The following WWP2 variants were observed in gnomAD, a reference collection of about 807,000 sequenced individuals.
The protein encoded by WWP2 is WW domain containing E3 ubiquitin protein ligase 2, also known as NEDD4-like E3 ubiquitin-protein ligase WWP2.
WWP2 carries 57 observed loss-of-function variants against 121.0 expected under a neutral mutation model. That is an observed-to-expected ratio of 0.47 (90% CI 0.38 to 0.59). The LOEUF (loss-of-function observed/expected upper bound fraction) is 0.59, where lower values mean the gene tolerates loss of function less well. Among genes scored for constraint, WWP2 ranks in the 20% least tolerant of loss-of-function variants. The pLI is 0.00. For missense variants in WWP2, 962 were observed against 1,158.9 expected (o/e 0.83, Z 2.47); for synonymous variants, 449 against 441.3 (o/e 1.02, Z -0.22).
chr16:69,917,577 T>C (rs1411364868), intron 9 of WWP2, 132 bp from the exon 10 acceptor site: 2 of 1,004,304 alleles, frequency 2.0e-6, no homozygotes, highest in East Asian at 2.6e-5. Context: ...AGATGTCTGC[T>C]ATAATCAGCT....
chr16:69,887,632 C>G (rs1263379123), intron 7 of WWP2, among the ~76,000 whole-genome samples: 2 of 152,148 alleles, frequency 1.3e-5, no homozygotes, highest in Admixed American at 6.5e-5. Flanking sequence ...TCTCGAACTC[C>G]TGACCTCAAG....
chr16:69,885,982 G>C (rs1393659267), intron 7 of WWP2, among the ~76,000 whole-genome samples: 1 of 152,176 alleles, frequency 6.6e-6, no homozygotes, highest in African/African-American at 2.4e-5. Context: ...ATCTCGAAGA[G>C]GGCAGCCAGA....
intron 6 of WWP2, among the ~76,000 whole-genome samples, chr16:69,859,050 C>T (rs575586732): frequency 6.6e-6 from 1 of 152,320 alleles, no homozygotes; most frequent in African/African-American, 2.4e-5. Flanking sequence ...ATTGAATTGT[C>T]ATTTATTTGC....
intron 6 of WWP2, among the ~76,000 whole-genome samples, chr16:69,865,518 G>A (rs1228415596): frequency 6.6e-6 from 1 of 152,140 alleles, no homozygotes; most frequent in Non-Finnish European, 1.5e-5. Context: ...TAAAGGGGGG[G>A]TACCATAACC....
Position 69,935,217 on chromosome 16 carries a change from T to G in WWP2, c.1843-636T>G, listed in dbSNP as rs1479061010. Among the ~76,000 whole-genome samples, 1 of 152,114 alleles carries G rather than the reference T, an allele frequency of 6.6e-6. No individual in the cohort carries two copies. The highest frequency in any genetic ancestry group is 1.9e-4 in the East Asian group (1 of 5,186). ...TCCTGAGTGTCCCACCCGGCTCCCCTCTTAGGAGGACCCAAGCGCCCCATG... is the reference window on the plus strand; with the variant it reads ...TCCTGAGTGTCCCACCCGGCTCCCCGCTTAGGAGGACCCAAGCGCCCCATG... On this transcript the variant is annotated intron_variant, in intron 17 of 23. Transcript: ENST00000359154. This position sits in a 1 kb window ranked among gnomAD's most constrained non-coding sequence, Gnocchi z 5.2.
chr16:69,881,597 A>G (rs551223521), intron 7 of WWP2, among the ~76,000 whole-genome samples: 8 of 152,350 alleles, frequency 5.3e-5, no homozygotes, highest in African/African-American at 1.7e-4. Context: ...ATTAAGGGAA[A>G]CTGGGTGAAG....
At chr16:69,797,389 C>G (rs1213924225) in intron 2 of WWP2, among the ~76,000 whole-genome samples, 12 of 152,142 alleles carry the variant, frequency 7.9e-5, no homozygotes. Flanking sequence ...GGTGCACAGT[C>G]TGGCTTGTAG....
At chr16:69,923,320 T>TGA (rs1567434885) in intron 10 of WWP2, among the ~76,000 whole-genome samples, 1 of 33,558 alleles carries the variant, frequency 3.0e-5, no homozygotes, top group African/African-American at 9.0e-5. Flanking sequence ...GTTGGGGGGG[T>TGA]GGGGGGGGTG....
chr16:69,885,897 C>T (rs2057914364), intron 7 of WWP2, among the ~76,000 whole-genome samples: 1 of 152,158 alleles, frequency 6.6e-6, no homozygotes, highest in African/African-American at 2.4e-5. Context: ...GGTAATCTGA[C>T]TCTGCTGGCC....
chr16:69,828,673 A>G (rs2056745218), intron 4 of WWP2, among the ~76,000 whole-genome samples: 1 of 151,860 alleles, frequency 6.6e-6, no homozygotes, highest in Admixed American at 6.6e-5. Context: ...CCTAATTTTT[A>G]TATTTTTAGT....
intron 4 of WWP2, among the ~76,000 whole-genome samples, chr16:69,834,089 C>T (rs2056835159): frequency 6.6e-6 from 1 of 152,232 alleles, no homozygotes; most frequent in Non-Finnish European, 1.5e-5. Flanking sequence ...GGTTGTGCTA[C>T]AGCAGGAATC....
In WWP2 at chr16:69,908,840, C is replaced by T. The variant is rs758377169; in HGVS notation, c.994C>T (p.Leu332Phe). ...NTKTTTWERP[L>F]PPGWEKRTDP... ...CAAGACCACCACCTGGGAGCGGCCCCTTCCTCCAGGGTAGGTCATCAACTG... is the reference window on the plus strand; with the variant it reads ...CAAGACCACCACCTGGGAGCGGCCCTTTCCTCCAGGGTAGGTCATCAACTG... Residue 332 changes from leucine to phenylalanine, a missense_variant, in exon 9 of 24, where the codon CTT becomes TTT. Leu to Phe is a conservative substitution (Grantham distance 22). Around this residue, in one of 3 missense-constraint regions of WWP2, gnomAD observed 606 missense variants for 772.6 expected, o/e 0.78. Transcript: ENST00000359154. The T allele has an allele frequency of 1.9e-6, 3 of 1,614,222 alleles. No homozygotes were observed. The highest frequency in any genetic ancestry group is 8.5e-7 in the Non-Finnish European group (1 of 1,180,040).
intron 6 of WWP2, among the ~76,000 whole-genome samples, chr16:69,852,197 T>C (rs186828194): frequency 6.6e-6 from 1 of 152,300 alleles, no homozygotes; most frequent in African/African-American, 2.4e-5. Context: ...GTAGTCCATT[T>C]TCTGGATTTT....
intron 6 of WWP2, among the ~76,000 whole-genome samples, chr16:69,867,848 G>T (rs184144069): frequency 6.6e-6 from 1 of 152,284 alleles, no homozygotes; most frequent in East Asian, 1.9e-4. Flanking sequence ...CCCCCTAAAT[G>T]GTGAGGGGGC....
In WWP2 at chr16:69,840,250, T is replaced by G; in HGVS notation, c.465T>G (p.Ser155Arg). 6.2e-7 allele frequency: 1 copy of G among 1,610,688 alleles called. No homozygotes were observed. The highest frequency in any genetic ancestry group is 8.5e-7 in the Non-Finnish European group (1 of 1,178,302). ...TVDLGNVPNGSALTDGSQLPS... is the reference protein window; with the variant it reads ...TVDLGNVPNGRALTDGSQLPS... ...ATCTGGGAAATGTGCCTAATGGCAGTGCCCTGACAGATGGTGAGTGCCGCC... is the reference window on the plus strand; with the variant it reads ...ATCTGGGAAATGTGCCTAATGGCAGGGCCCTGACAGATGGTGAGTGCCGCC... The change falls in exon 5 of 24, where the codon AGT (serine) becomes AGG (arginine). Residue 155 changes from serine to arginine, a missense_variant. This residue lies in a region of WWP2 where 211 missense variants were observed against 196.5 expected (regional missense o/e 1.07). Coordinates refer to ENST00000359154, the MANE Select transcript of WWP2 (RefSeq NM_001270454.2).
chr16:69,842,405 T>C, intron 6 of WWP2, among the ~76,000 whole-genome samples: 1 of 152,154 alleles, frequency 6.6e-6, no homozygotes, highest in East Asian at 1.9e-4. Flanking sequence ...ATGTTGAAGT[T>C]TGGGCTTCTA....
intron 4 of WWP2, among the ~76,000 whole-genome samples, chr16:69,827,076 A>C (rs189769761): frequency 1.1e-3 from 166 of 152,230 alleles, no homozygotes; most frequent in Admixed American, 3.5e-3. Context: ...TATTTGCAAG[A>C]AAATCTCATG....
intron 6 of WWP2, among the ~76,000 whole-genome samples, chr16:69,847,138 G>C (rs946052223): frequency 5.3e-5 from 8 of 152,098 alleles, no homozygotes; most frequent in Non-Finnish European, 8.8e-5. Context: ...AGGCTGGAGT[G>C]CAGTGCCACG....
chr16:69,923,582 G>A (rs1163832491), intron 10 of WWP2, among the ~76,000 whole-genome samples: 1 of 152,228 alleles, frequency 6.6e-6, no homozygotes, highest in African/African-American at 2.4e-5. Context: ...GTTGGTACCA[G>A]CTGGTAGCTG....
Sources: gnomAD v4.1 joint callset for allele counts (sites outside exome capture counted in the v4.1 genomes callset) on GRCh38, gnomAD v4.1.1 for gene constraint, gnomAD v4.1.1 regional missense constraint, Gnocchi (gnomAD v3.1) non-coding constraint, MANE v1.5 for transcripts, NCBI Gene and HGNC (gene_info 2026-07-23, HGNC 2026-07-21) for gene names.